Variants in LDLRAD4 observed in about 807,000 individuals in gnomAD.
The protein encoded by LDLRAD4 is low density lipoprotein receptor class A domain containing 4, also known as low-density lipoprotein receptor class A domain-containing protein 4.
LDLRAD4 carries 5 observed loss-of-function variants against 17.0 expected under a neutral mutation model. The observed-to-expected ratio is 0.29, with a 90% confidence interval of 0.15 to 0.62. The LOEUF is 0.62. Among genes scored for constraint, LDLRAD4 ranks in the 20% least tolerant of loss-of-function variants. The pLI is 0.84. For synonymous variants in LDLRAD4, 168 were observed against 171.8 expected, an observed-to-expected ratio of 0.98 and a Z score of 0.17; for missense variants, 340 against 424.7, an observed-to-expected ratio of 0.80 and a Z score of 1.75.
intron 1 of LDLRAD4, among the ~76,000 whole-genome samples, chr18:13,232,925 C>T (rs1327649907): frequency 6.6e-6 from 1 of 152,206 alleles, no homozygotes; most frequent in East Asian, 1.9e-4. Context: ...GTGTGGTCCT[C>T]CTGGTTCCCT....
chr18:13,606,530 G>A (rs937851885), intron 3 of LDLRAD4, among the ~76,000 whole-genome samples: 2 of 152,144 alleles, frequency 1.3e-5, no homozygotes, highest in Non-Finnish European at 2.9e-5. Context: ...AGGGCTGGTG[G>A]GAGCACACGC....
chr18:13,454,205 A>G (rs939438596), intron 3 of LDLRAD4, among the ~76,000 whole-genome samples: 2 of 152,226 alleles, frequency 1.3e-5, no homozygotes, highest in East Asian at 3.9e-4. Flanking sequence ...AATGTTAGCA[A>G]TGATAACAGG....
intron 2 of LDLRAD4, among the ~76,000 whole-genome samples, chr18:13,429,863 G>T (rs962858758): frequency 6.6e-6 from 1 of 152,246 alleles, no homozygotes; most frequent in African/African-American, 2.4e-5. Context: ...AGCTGCTGGT[G>T]TAGTCCAGGC....
chr18:13,441,457 G>A (rs1246555836), intron 3 of LDLRAD4, among the ~76,000 whole-genome samples: 2 of 152,244 alleles, frequency 1.3e-5, no homozygotes, highest in Non-Finnish European at 2.9e-5. Flanking sequence ...TTCCTGCTTA[G>A]GAGCAGGATT....
intron 3 of LDLRAD4, among the ~76,000 whole-genome samples, chr18:13,513,251 G>A (rs2093810756): frequency 6.6e-6 from 1 of 152,174 alleles, no homozygotes; most frequent in Admixed American, 6.5e-5. Context: ...AATACACTCT[G>A]CACCCTTCCT....
At chr18:13,570,216 C>T (rs1172518250) in intron 3 of LDLRAD4, among the ~76,000 whole-genome samples, 1 of 152,214 alleles carries the variant, frequency 6.6e-6, no homozygotes, top group Non-Finnish European at 1.5e-5. Context: ...AGACGTGACT[C>T]GTCTGGGACG....
At chr18:13,239,048 G>A (rs565275168) in intron 1 of LDLRAD4, among the ~76,000 whole-genome samples, 5 of 152,076 alleles carry the variant, frequency 3.3e-5, no homozygotes, top group East Asian at 3.9e-4. Flanking sequence ...TTAGCTGGGC[G>A]TGGTGGCGCA....
At chr18:13,290,985 T>C (rs1296670322) in intron 1 of LDLRAD4, among the ~76,000 whole-genome samples, 1 of 152,172 alleles carries the variant, frequency 6.6e-6, no homozygotes, top group Non-Finnish European at 1.5e-5. Flanking sequence ...TTGTGACACA[T>C]GGGGATTTTA....
chr18:13,310,110 T>G (rs974919307), intron 1 of LDLRAD4, among the ~76,000 whole-genome samples: 1 of 150,144 alleles, frequency 6.7e-6, no homozygotes, highest in Admixed American at 6.7e-5. Flanking sequence ...GAGGCTGAGG[T>G]TGGGGGATCG....
intron 3 of LDLRAD4, 37 bp downstream of exon 4, chr18:13,438,421 T>C: frequency 6.3e-7 from 1 of 1,598,120 alleles, no homozygotes; most frequent in Non-Finnish European, 8.6e-7. Context: ...CACTGTCTGA[T>C]GTGGTTCTGA....
At chr18:13,298,464 G>T (rs1211613233) in intron 1 of LDLRAD4, among the ~76,000 whole-genome samples, 2 of 147,114 alleles carry the variant, frequency 1.4e-5, no homozygotes, top group African/African-American at 5.1e-5. Flanking sequence ...TTGCTGCTCT[G>T]GGCACGGTGA....
intron 3 of LDLRAD4, among the ~76,000 whole-genome samples, chr18:13,525,320 C>A (rs2094013351): frequency 6.6e-6 from 1 of 152,172 alleles, no homozygotes; most frequent in African/African-American, 2.4e-5. Context: ...TAGACCAGCA[C>A]CTGGCACACA....
intron 2 of LDLRAD4, among the ~76,000 whole-genome samples, chr18:13,390,259 G>C (rs1297457823): frequency 6.6e-6 from 1 of 152,218 alleles, no homozygotes; most frequent in Non-Finnish European, 1.5e-5. Context: ...GCAGTGGTGG[G>C]GTGTTCGCCA....
chr18:13,477,290 C>G (rs1432906050), intron 3 of LDLRAD4, among the ~76,000 whole-genome samples: 1 of 152,130 alleles, frequency 6.6e-6, no homozygotes, highest in African/African-American at 2.4e-5. Flanking sequence ...TTGATGGAAC[C>G]ATGGTCAGAA....
intron 3 of LDLRAD4, among the ~76,000 whole-genome samples, chr18:13,544,487 A>G (rs939913280): frequency 5.3e-5 from 8 of 152,248 alleles, no homozygotes; most frequent in African/African-American, 1.9e-4. Flanking sequence ...TTCAGGAGAC[A>G]GAAAATTGTG....
chr18:13,414,749 C>T (rs2088715211), intron 2 of LDLRAD4, among the ~76,000 whole-genome samples: 2 of 152,174 alleles, frequency 1.3e-5, no homozygotes, highest in South Asian at 4.1e-4. Context: ...AAGGAGAAGC[C>T]CACACGCCCT....
chr18:13,641,599 G>C (rs1008044792), intron 4 of LDLRAD4, among the ~76,000 whole-genome samples: 16 of 152,068 alleles, frequency 1.1e-4, no homozygotes, highest in Non-Finnish European at 1.9e-4. Flanking sequence ...GGCCTGTGGC[G>C]GGCGAGGGAA....
intron 1 of LDLRAD4, among the ~76,000 whole-genome samples, chr18:13,243,558 C>G (rs1180637694): frequency 1.3e-5 from 2 of 151,676 alleles, no homozygotes; most frequent in Non-Finnish European, 2.9e-5. Flanking sequence ...TCTGTCCATC[C>G]ATCCATGCAC....
intron 1 of LDLRAD4, among the ~76,000 whole-genome samples, chr18:13,349,257 G>T (rs558915855): frequency 1.4e-4 from 21 of 152,324 alleles, no homozygotes; most frequent in African/African-American, 4.8e-4. Context: ...TAATATCAAT[G>T]TCATACAAAA....
Sources: gnomAD v4.1 joint callset for allele counts (sites outside exome capture counted in the v4.1 genomes callset) on GRCh38, gnomAD v4.1.1 for gene constraint, MANE v1.5 for transcripts, NCBI Gene and HGNC (gene_info 2026-07-23, HGNC 2026-07-21) for gene names.